Variants in SKAP1 observed in about 807,000 individuals in gnomAD.
SKAP1 encodes the protein src kinase associated phosphoprotein 1.
In SKAP1, 44 loss-of-function variants were observed where a neutral mutation model predicts 58.5. The ratio of observed to expected loss-of-function variants is 0.75; its 90% confidence interval spans 0.59 to 0.97. SKAP1 has a LOEUF of 0.97. SKAP1 is among the 50% of genes least tolerant of loss of function. The pLI, the probability that SKAP1 is intolerant of heterozygous loss-of-function variation, is 0.00. For synonymous variants in SKAP1, 127 were observed against 149.7 expected, an observed-to-expected ratio of 0.85 and a Z score of 1.11; for missense variants, 390 against 435.2, an observed-to-expected ratio of 0.90 and a Z score of 0.92.
At chr17:48,217,190 G>A (rs183870384) in intron 4 of SKAP1, among the ~76,000 whole-genome samples, 1 of 151,900 alleles carries the variant, frequency 6.6e-6, no homozygotes, top group Admixed American at 6.6e-5. Context: ...TCATTTTCAG[G>A]CCCCTTAAAT....
rs574473544 is a variant in SKAP1 at position 48,349,973 on chromosome 17, G to T, written c.179-3967C>A. ...GCCACAGATTCAACCAGCTGTTGCT[G>T]CTCCATAAACTTTATGGAGAAGTGA... On this transcript the variant is annotated intron_variant, in intron 3 of 12. Transcript: ENST00000336915. 3.9e-5 allele frequency among the ~76,000 whole-genome samples: 6 copies of T among 152,286 alleles called. No homozygotes were observed. The East Asian group carries it at 5.8e-4, about 15-fold the overall frequency.
At chr17:48,245,619 TA>T (rs1266134095) in intron 4 of SKAP1, among the ~76,000 whole-genome samples, 1 of 152,230 alleles carries the variant, frequency 6.6e-6, no homozygotes, top group Admixed American at 6.5e-5. Context: ...GACACTTTAC[TA>T]GCTGTGTGAC....
At chr17:48,387,170 A>G (rs1370419909) in intron 2 of SKAP1, among the ~76,000 whole-genome samples, 1 of 152,234 alleles carries the variant, frequency 6.6e-6, no homozygotes, top group South Asian at 2.1e-4. Flanking sequence ...AGCTGCTGAG[A>G]GCCCCAGTTT....
intron 10 of SKAP1, among the ~76,000 whole-genome samples, chr17:48,165,316 C>G (rs961944736): frequency 6.6e-6 from 1 of 152,076 alleles, no homozygotes; most frequent in Non-Finnish European, 1.5e-5. Context: ...CCAGCTTCTC[C>G]CTAAACCTGC....
At chr17:48,170,495 T>C (rs2064193770) in intron 10 of SKAP1, 114 bp downstream of exon 10, 2 of 893,354 alleles carry the variant, frequency 2.2e-6, no homozygotes, top group Non-Finnish European at 1.9e-6. Flanking sequence ...CACACACAGG[T>C]ACCCTCTTAA....
chr17:48,189,313 C>T (rs1013406464), intron 5 of SKAP1, 110 bp downstream of exon 5: 15 of 829,338 alleles, frequency 1.8e-5, no homozygotes, highest in Non-Finnish European at 1.7e-5. Flanking sequence ...GCCTTGTATC[C>T]GCCTAGCACA....
At chr17:48,289,514 A>G (rs1279243114) in intron 4 of SKAP1, among the ~76,000 whole-genome samples, 1 of 152,122 alleles carries the variant, frequency 6.6e-6, no homozygotes, top group Non-Finnish European at 1.5e-5. Context: ...TATTTGAAAA[A>G]CTGATCTGCA....
At chr17:48,300,265 A>T (rs560442318) in intron 4 of SKAP1, among the ~76,000 whole-genome samples, 1 of 152,270 alleles carries the variant, frequency 6.6e-6, no homozygotes, top group South Asian at 2.1e-4. Flanking sequence ...GGGAGCAAAG[A>T]AGCAGTCTCC....
At chr17:48,136,358 A>C (rs1267231121) in intron 12 of SKAP1, 1 of 152,186 alleles carries the variant, frequency 6.6e-6, no homozygotes, top group East Asian at 1.9e-4. Context: ...TTTTTAATAG[A>C]GATGGGATTT....
chr17:48,219,106 T>C (rs985002788), intron 4 of SKAP1, among the ~76,000 whole-genome samples: 1 of 152,214 alleles, frequency 6.6e-6, no homozygotes, highest in African/African-American at 2.4e-5. Context: ...TTGCTTCCAA[T>C]TTTTTGAACA....
the SKAP1 span, among the ~76,000 whole-genome samples, chr17:48,436,991 G>A: frequency 6.6e-6 from 1 of 152,008 alleles, no homozygotes; most frequent in Non-Finnish European, 1.5e-5. Context: ...TCCTTCTTTG[G>A]TTCTCTTCAT....
At chr17:48,218,321 C>A (rs1409478307) in intron 4 of SKAP1, among the ~76,000 whole-genome samples, 1 of 152,178 alleles carries the variant, frequency 6.6e-6, no homozygotes, top group African/African-American at 2.4e-5. Flanking sequence ...TACCAACCAA[C>A]CCTTCTCATC....
intron 4 of SKAP1, among the ~76,000 whole-genome samples, chr17:48,276,484 T>A (rs2065703183): frequency 6.6e-6 from 1 of 152,234 alleles, no homozygotes; most frequent in African/African-American, 2.4e-5. Flanking sequence ...AGGGACTAGG[T>A]CTTATTCATC....
At chr17:48,363,684 T>C (rs2144398767) in intron 3 of SKAP1, 105 bp downstream of exon 3, 1 of 960,728 alleles carries the variant, frequency 1.0e-6, no homozygotes, top group South Asian at 2.1e-5. Flanking sequence ...TCCTTGGAAA[T>C]GGTTAATGCC....
intron 4 of SKAP1, among the ~76,000 whole-genome samples, chr17:48,229,247 A>G (rs2065101410): frequency 6.6e-6 from 1 of 152,224 alleles, no homozygotes. Context: ...AGACTTGGAA[A>G]TAAAGCAAGA....
At chr17:48,258,506 G>A (rs1274256727) in intron 4 of SKAP1, among the ~76,000 whole-genome samples, 3 of 152,072 alleles carry the variant, frequency 2.0e-5, no homozygotes, top group African/African-American at 7.2e-5. Flanking sequence ...ACTCTGTAAT[G>A]CACTGCATGT....
At chr17:48,194,746 T>C (rs781414019) in intron 4 of SKAP1, among the ~76,000 whole-genome samples, 1 of 152,252 alleles carries the variant, frequency 6.6e-6, no homozygotes, top group Non-Finnish European at 1.5e-5. Context: ...TATGGACTTC[T>C]CCCATCCTCC....
intron 2 of SKAP1, among the ~76,000 whole-genome samples, chr17:48,374,047 G>A (rs1258910434): frequency 2.0e-5 from 3 of 151,932 alleles, no homozygotes; most frequent in Admixed American, 6.6e-5. Context: ...CTTTTTTGTT[G>A]TTTTTGAGAC....
chr17:48,265,677 T>C (rs1404578255), intron 4 of SKAP1, among the ~76,000 whole-genome samples: 1 of 152,190 alleles, frequency 6.6e-6, no homozygotes, highest in Admixed American at 6.5e-5. Flanking sequence ...TCATCAACAA[T>C]GTGAATAACT....
Sources: gnomAD v4.1 joint callset for allele counts (sites outside exome capture counted in the v4.1 genomes callset) on GRCh38, gnomAD v4.1.1 for gene constraint, MANE v1.5 for transcripts, NCBI Gene and HGNC (gene_info 2026-07-23, HGNC 2026-07-21) for gene names.